The following ICA1 variants were observed in gnomAD, a reference collection of about 807,000 sequenced individuals.
The protein encoded by ICA1 is 69 kDa islet cell autoantigen.
In ICA1, 40 loss-of-function variants were observed where a neutral mutation model predicts 71.0. The observed-to-expected ratio is 0.56, with a 90% CI of 0.44 to 0.73. ICA1 has a LOEUF of 0.73. Among genes scored for constraint, ICA1 ranks in the 30% least tolerant of loss-of-function variants. The pLI is 0.00. For missense variants in ICA1, 578 were observed against 576.5 expected (o/e 1.00, Z -0.03); for synonymous variants, 207 against 209.5 (o/e 0.99, Z 0.10).
chr7:8,248,976 C>T (rs569306303), intron 1 of ICA1, among the ~76,000 whole-genome samples: 10 of 152,290 alleles, frequency 6.6e-5, no homozygotes, highest in African/African-American at 2.2e-4. Flanking sequence ...ATGGTAAGAC[C>T]TCCTGACCAA....
Position 8,173,084 on chromosome 7 carries a change from T to C in ICA1, c.580-14432A>G, listed in dbSNP as rs557987867. ...ATTTAATCATTTAAAATGCATTTTC[T>C]GGCTCTGTTCACTGTAAAGGTCTAC... On this transcript the variant is annotated intron_variant, in intron 6 of 13. Coordinates refer to ENST00000402384, the MANE Select transcript of ICA1 (RefSeq NM_001136020.3). This position sits in a 1 kb window ranked among gnomAD's most constrained non-coding sequence, Gnocchi z 4.0. Among the ~76,000 whole-genome samples, 1 of 152,196 alleles carries C rather than the reference T, an allele frequency of 6.6e-6. No individual in the cohort carries two copies. The highest frequency in any genetic ancestry group is 1.5e-5 in the Non-Finnish European group (1 of 68,030).
chr7:8,127,635 A>G (rs1323939613), intron 13 of ICA1, among the ~76,000 whole-genome samples: 1 of 152,180 alleles, frequency 6.6e-6, no homozygotes, highest in Non-Finnish European at 1.5e-5. Flanking sequence ...AAGGATGACA[A>G]TATGATTTAG....
chr7:8,175,272 T>C (rs573939220), intron 6 of ICA1, among the ~76,000 whole-genome samples: 15 of 151,870 alleles, frequency 9.9e-5, no homozygotes, highest in African/African-American at 3.1e-4. Flanking sequence ...GAGGGAAGAA[T>C]CTGTATGTTT....
intron 12 of ICA1, among the ~76,000 whole-genome samples, chr7:8,134,870 G>T (rs140178048): frequency 1.3e-5 from 2 of 151,572 alleles, no homozygotes; most frequent in Non-Finnish European, 2.9e-5. Context: ...CAAACCAACA[G>T]CACTGGACCC....
intron 13 of ICA1, among the ~76,000 whole-genome samples, chr7:8,124,098 A>C (rs982349412): frequency 8.1e-4 from 121 of 149,170 alleles, no homozygotes; most frequent in Admixed American, 4.6e-4. Flanking sequence ...TCATAGATTC[A>C]CTGAATCATA....
chr7:8,184,928 G>A (rs547847049), intron 6 of ICA1, among the ~76,000 whole-genome samples: 22 of 152,228 alleles, frequency 1.4e-4, no homozygotes, highest in Non-Finnish European at 3.1e-4. Flanking sequence ...ACAAAAATTA[G>A]TTAGGCTTGG....
In ICA1 at chr7:8,150,730, T is replaced by C. The variant is rs78963271; in HGVS notation, c.804+6386A>G. Among the ~76,000 whole-genome samples, 1,428 of 152,366 alleles carry C rather than the reference T, an allele frequency of 9.4e-3. 16 individuals are homozygous for C. The highest frequency in any genetic ancestry group is 0.033 in the African/African-American group (1,374 of 41,584). ...TTCCCAGGTATCTGAAGGACTGACA[T>C]ACAAATCATGCTTTTTTGCCTATAA... On this transcript the variant is annotated intron_variant, in intron 8 of 13. Coordinates refer to ENST00000402384, the MANE Select transcript of ICA1 (RefSeq NM_001136020.3).
intron 13 of ICA1, among the ~76,000 whole-genome samples, chr7:8,125,503 GCCTGACCTACTAC>G (rs1788835080): frequency 6.6e-6 from 1 of 152,214 alleles, no homozygotes; most frequent in Non-Finnish European, 1.5e-5. Context: ...CAGCTCTGCA[GCCTGACCTACTAC>G]CCTGAGAGCC....
chr7:8,256,709 G>T (rs1810344585), intron 1 of ICA1, among the ~76,000 whole-genome samples: 1 of 152,120 alleles, frequency 6.6e-6, no homozygotes, highest in Admixed American at 6.5e-5. Context: ...AATTACATCT[G>T]TATCTCCTGC....
intron 6 of ICA1, among the ~76,000 whole-genome samples, chr7:8,175,572 T>C (rs1780350114): frequency 4.6e-5 from 7 of 152,172 alleles, no homozygotes; most frequent in Admixed American, 4.6e-4. Flanking sequence ...CTGACACAAT[T>C]TCAACTGATT....
intron 6 of ICA1, among the ~76,000 whole-genome samples, chr7:8,209,090 A>G (rs1041922231): frequency 1.3e-5 from 2 of 152,252 alleles, no homozygotes; most frequent in East Asian, 3.8e-4. Flanking sequence ...CAATCTGGCA[A>G]AAGGAAAACT....
chr7:8,125,110 C>A (rs759818744), intron 13 of ICA1, among the ~76,000 whole-genome samples: 1 of 152,152 alleles, frequency 6.6e-6, no homozygotes, highest in Non-Finnish European at 1.5e-5. Flanking sequence ...TAACACTGAC[C>A]TTGATAGAAT....
chr7:8,173,230 G>T lies in ICA1; in HGVS notation c.580-14578C>A, dbSNP rs1026279251. On this transcript the variant is annotated intron_variant, in intron 6 of 13. Coordinates refer to ENST00000402384, the MANE Select transcript of ICA1 (RefSeq NM_001136020.3). This position sits in a 1 kb window ranked among gnomAD's most constrained non-coding sequence, Gnocchi z 4.0. ...CAGGACTAGGGAAGGAAATACATAA[G>T]ATGATTCTGAAATATTCGGTTGTAC... 3.3e-5 allele frequency among the ~76,000 whole-genome samples: 5 copies of T among 152,146 alleles called. No individual in the cohort carries two copies. The highest frequency in any genetic ancestry group is 1.2e-4 in the African/African-American group (5 of 41,442).
rs188150815 is a variant in ICA1, at chr7:8,175,972, A to G, written c.580-17320T>C. Among the ~76,000 whole-genome samples the G allele has an allele frequency of 2.1e-3, 314 of 152,270 alleles. 8 individuals carry two copies. Among genetic ancestry groups the G allele is most frequent in the Non-Finnish European group, 1.2e-3 (81 of 68,018 alleles). ...TGGTTCCATGGACGGCAAAGGGGAG[A>G]AAAAGGAAGTGAACACTTATGGAGG... On this transcript the variant is annotated intron_variant, in intron 6 of 13. Transcript: ENST00000402384.
At chr7:8,251,529 C>T (rs2128527971) in intron 1 of ICA1, among the ~76,000 whole-genome samples, 1 of 150,482 alleles carries the variant, frequency 6.6e-6, no homozygotes, top group African/African-American at 2.4e-5. Flanking sequence ...TAAGATAAAG[C>T]TTAGAGATAA....
intron 10 of ICA1, 122 bp from the exon 11 acceptor site, chr7:8,139,169 G>C (rs894901548): frequency 1.4e-6 from 1 of 715,796 alleles, no homozygotes; most frequent in African/African-American, 1.7e-5. Context: ...AACTCAGCCA[G>C]AAGCAAGGGT....
chr7:8,184,584 T>C (rs1455613454), intron 6 of ICA1, among the ~76,000 whole-genome samples: 3 of 152,200 alleles, frequency 2.0e-5, no homozygotes, highest in African/African-American at 7.2e-5. Context: ...CCTAGGCCAC[T>C]TAAAAATAAT....
At chr7:8,119,427 G>A (rs1042366993) in intron 13 of ICA1, among the ~76,000 whole-genome samples, 1 of 152,212 alleles carries the variant, frequency 6.6e-6, no homozygotes, top group Non-Finnish European at 1.5e-5. Flanking sequence ...TGACATGAAC[G>A]CATTCCTAAG....
At chr7:8,163,824 C>A (rs1427432992) in intron 6 of ICA1, among the ~76,000 whole-genome samples, 1 of 152,110 alleles carries the variant, frequency 6.6e-6, no homozygotes, top group African/African-American at 2.4e-5. Context: ...TGAGATGAGG[C>A]AGAGAGGTGA....
Sources: gnomAD v4.1 joint callset for allele counts (sites outside exome capture counted in the v4.1 genomes callset) on GRCh38, gnomAD v4.1.1 for gene constraint, Gnocchi (gnomAD v3.1) non-coding constraint, MANE v1.5 for transcripts, NCBI Gene and HGNC (gene_info 2026-07-23, HGNC 2026-07-21) for gene names.